Variants in UNC13C observed in about 807,000 individuals in gnomAD.
UNC13C encodes protein unc-13 homolog C.
A neutral mutation model predicts 245.4 loss-of-function variants in UNC13C; 174 were observed. The ratio of observed to expected loss-of-function variants is 0.71; its 90% CI spans 0.63 to 0.80. The LOEUF (loss-of-function observed/expected upper bound fraction) is 0.80, where lower values mean the gene tolerates loss of function less well. Ranked by LOEUF, UNC13C falls within the 30% of genes least tolerant of loss-of-function variation. UNC13C has a pLI of 0.00. For missense variants in UNC13C, 2,829 were observed against 2,602.9 expected (o/e 1.09, Z -1.89); for synonymous variants, 992 against 895.1 (o/e 1.11, Z -1.93).
chr15:54,407,243 C>A lies in UNC13C; in HGVS notation c.4848-7739C>A, dbSNP rs189816456. 4.6e-5 allele frequency among the ~76,000 whole-genome samples: 7 copies of A among 151,920 alleles called. No individual in the cohort carries two copies. The East Asian group carries it at 1.4e-3, about 29-fold the overall frequency. The stretch of plus-strand genomic sequence containing the variant: ...AAAGGCATAAACTAATTGATTAGTG[C>A]AATTATTAAGGCAAATGAAGGTAAC... On this transcript the variant is annotated intron_variant, in intron 18 of 32. Coordinates refer to ENST00000260323, the MANE Select transcript of UNC13C (RefSeq NM_001080534.3).
chr15:54,609,909 C>G (rs1899983780), intron 30 of UNC13C, among the ~76,000 whole-genome samples: 1 of 152,062 alleles, frequency 6.6e-6, no homozygotes, highest in South Asian at 2.1e-4. Context: ...AAATGCTGAG[C>G]AAAGGGGAAA....
At chr15:54,062,323 CAA>C (rs539952952) in intron 2 of UNC13C, among the ~76,000 whole-genome samples, 29 of 114,320 alleles carry the variant, frequency 2.5e-4, no homozygotes, top group Middle Eastern at 9.5e-3. Context: ...AACTCAGTCT[CAA>C]AAAAAAAAAA....
chr15:54,252,444 G>A (rs1422599005), intron 8 of UNC13C, among the ~76,000 whole-genome samples: 2 of 152,112 alleles, frequency 1.3e-5, no homozygotes, highest in Non-Finnish European at 2.9e-5. Flanking sequence ...GAACAATGAA[G>A]GTGGGTATGC....
chr15:53,977,588 C>A (rs922006637), upstream of UNC13C, among the ~76,000 whole-genome samples: 1 of 152,164 alleles, frequency 6.6e-6, no homozygotes, highest in Non-Finnish European at 1.5e-5. Flanking sequence ...AGCAGTAGAG[C>A]AGATGTAGCT....
At chr15:53,905,687 C>G in the UNC13C span, among the ~76,000 whole-genome samples, 11 of 152,142 alleles carry the variant, frequency 7.2e-5, no homozygotes, top group East Asian at 1.6e-3. Context: ...TGAGTAAGTT[C>G]TGGAGCTCTA....
At chr15:54,176,331 C>G (rs951821841) in intron 4 of UNC13C, among the ~76,000 whole-genome samples, 4 of 152,118 alleles carry the variant, frequency 2.6e-5, no homozygotes, top group African/African-American at 9.7e-5. Context: ...AGTGAAAGTA[C>G]TGAGATTATT....
the UNC13C span, among the ~76,000 whole-genome samples, chr15:53,869,002 C>G: frequency 6.6e-6 from 1 of 152,062 alleles, no homozygotes; most frequent in African/African-American, 2.4e-5. Context: ...CTGGGCTACT[C>G]AGAGGCTGAG....
intron 17 of UNC13C, among the ~76,000 whole-genome samples, chr15:54,358,643 T>G (rs1176043670): frequency 6.6e-6 from 1 of 152,094 alleles, no homozygotes; most frequent in East Asian, 1.9e-4. Context: ...TGCAACTAAT[T>G]TTTATATGCT....
intron 28 of UNC13C, among the ~76,000 whole-genome samples, chr15:54,553,454 T>C (rs934727151): frequency 2.9e-5 from 4 of 136,866 alleles, no homozygotes; most frequent in African/African-American, 1.1e-4. Context: ...TTATAATATA[T>C]AATATATATT....
chr15:53,996,580 G>A (rs901508081), intron 1 of UNC13C, among the ~76,000 whole-genome samples: 4 of 152,086 alleles, frequency 2.6e-5, no homozygotes, highest in Non-Finnish European at 2.9e-5. Context: ...CTAAGATATA[G>A]AGCATTTCTA....
chr15:54,066,326 G>A (rs918708767), intron 2 of UNC13C, among the ~76,000 whole-genome samples: 3 of 152,310 alleles, frequency 2.0e-5, no homozygotes, highest in Non-Finnish European at 4.4e-5. Flanking sequence ...TCCCTTCTCT[G>A]ATGAGTAATT....
At chr15:54,040,536 C>T (rs1896767198) in intron 2 of UNC13C, among the ~76,000 whole-genome samples, 2 of 152,152 alleles carry the variant, frequency 1.3e-5, no homozygotes, top group Non-Finnish European at 2.9e-5. Flanking sequence ...CAGTGTGGAA[C>T]ATGTCTCTGT....
chr15:54,274,792 C>T (rs994683715), intron 10 of UNC13C, among the ~76,000 whole-genome samples: 3 of 151,390 alleles, frequency 2.0e-5, no homozygotes, highest in African/African-American at 7.3e-5. Flanking sequence ...CTGCCTCAGC[C>T]TCCCGAGTAG....
chr15:54,574,012 C>T (rs546950043), intron 30 of UNC13C, among the ~76,000 whole-genome samples: 28 of 152,272 alleles, frequency 1.8e-4, no homozygotes, highest in African/African-American at 6.3e-4. Context: ...CAGGAAAGTA[C>T]GTACTTGCGC....
intron 25 of UNC13C, among the ~76,000 whole-genome samples, chr15:54,529,278 A>T (rs1895627729): frequency 6.6e-6 from 1 of 152,192 alleles, no homozygotes; most frequent in Non-Finnish European, 1.5e-5. Context: ...GTGTATGTAT[A>T]ACCCTGCTAT....
At chr15:54,319,086 C>T (rs1173034353) in intron 13 of UNC13C, among the ~76,000 whole-genome samples, 1 of 151,734 alleles carries the variant, frequency 6.6e-6, no homozygotes, top group African/African-American at 2.4e-5. Context: ...TCCAGTATCC[C>T]TCTAAAAAGA....
At chr15:54,040,268 G>C (rs1237726092) in intron 2 of UNC13C, among the ~76,000 whole-genome samples, 5 of 152,100 alleles carry the variant, frequency 3.3e-5, no homozygotes, top group African/African-American at 1.2e-4. Context: ...GAGAGACTAG[G>C]AGTCAGGTAT....
At chr15:54,458,012 T>A (rs1891630396) in intron 19 of UNC13C, among the ~76,000 whole-genome samples, 1 of 151,800 alleles carries the variant, frequency 6.6e-6, no homozygotes, top group Non-Finnish European at 1.5e-5. Context: ...GATATTTAGA[T>A]GTAGGCATTT....
At chr15:54,080,311 G>A (rs1001261206) in intron 2 of UNC13C, among the ~76,000 whole-genome samples, 1 of 151,864 alleles carries the variant, frequency 6.6e-6, no homozygotes, top group Non-Finnish European at 1.5e-5. Flanking sequence ...TCACATTTTG[G>A]TATCAGGATG....
Sources: gnomAD v4.1 joint callset for allele counts (sites outside exome capture counted in the v4.1 genomes callset) on GRCh38, gnomAD v4.1.1 for gene constraint, MANE v1.5 for transcripts, NCBI Gene and HGNC (gene_info 2026-07-23, HGNC 2026-07-21) for gene names.